GPR39: variants seen among roughly 807,000 people sequenced by gnomAD.
GPR39 encodes G protein-coupled receptor 39.
In GPR39, 23 loss-of-function variants were observed where a neutral mutation model predicts 18.4. The observed-to-expected ratio is 1.25, with a 90% CI of 0.90 to 1.77. GPR39 has a LOEUF of 1.77. GPR39 is among the 40% of genes most tolerant of loss of function. The pLI, the probability that GPR39 is intolerant of heterozygous loss-of-function variation, is 0.00. For synonymous variants in GPR39, 280 were observed against 257.9 expected, an observed-to-expected ratio of 1.09 and a Z score of -0.82; for missense variants, 647 against 602.4, an observed-to-expected ratio of 1.07 and a Z score of -0.78.
chr2:132,449,938 C>T (rs1680604331), intron 1 of GPR39, among the ~76,000 whole-genome samples: 1 of 152,112 alleles, frequency 6.6e-6, no homozygotes, highest in Admixed American at 6.5e-5. Context: ...TCCTACAGGC[C>T]CTTCAAAATC....
At chr2:132,512,379 G>C (rs576716397) in intron 1 of GPR39, among the ~76,000 whole-genome samples, 101 of 152,242 alleles carry the variant, frequency 6.6e-4, no homozygotes, top group African/African-American at 2.4e-3. Context: ...GCACTGAAAA[G>C]GATAAGGGGG....
chr2:132,446,795 A>G (rs1285275426), intron 1 of GPR39, among the ~76,000 whole-genome samples: 2 of 152,110 alleles, frequency 1.3e-5, no homozygotes, highest in African/African-American at 2.4e-5. Context: ...TGGGGCTGCA[A>G]TGAGGGTAGG....
At chr2:132,490,180 A>G (rs1681429669) in intron 1 of GPR39, among the ~76,000 whole-genome samples, 2 of 151,932 alleles carry the variant, frequency 1.3e-5, no homozygotes, top group African/African-American at 2.4e-5. Context: ...GGAGAGAGAG[A>G]AATAGAAGTT....
intron 1 of GPR39, among the ~76,000 whole-genome samples, chr2:132,564,773 C>T (rs1680316086): frequency 6.8e-6 from 1 of 146,406 alleles, no homozygotes; most frequent in Non-Finnish European, 1.5e-5. Context: ...ACATTGGAAT[C>T]ACCTAGGAAG....
chr2:132,539,128 C>T (rs1045487925), intron 1 of GPR39, among the ~76,000 whole-genome samples: 1 of 152,194 alleles, frequency 6.6e-6, no homozygotes, highest in African/African-American at 2.4e-5. Context: ...ACTTCTGCAG[C>T]TCAGTGCCTG....
At chr2:132,535,545 G>A (rs1679739879) in intron 1 of GPR39, among the ~76,000 whole-genome samples, 1 of 152,098 alleles carries the variant, frequency 6.6e-6, no homozygotes, top group Non-Finnish European at 1.5e-5. Flanking sequence ...ATCTCTGCCA[G>A]GTTTTGGTAT....
chr2:132,489,496 A>G (rs1452779646), intron 1 of GPR39, among the ~76,000 whole-genome samples: 4 of 151,958 alleles, frequency 2.6e-5, no homozygotes, highest in Non-Finnish European at 5.9e-5. Flanking sequence ...CTGTGTGACT[A>G]TATTCTTAAT....
In GPR39 at chr2:132,417,234, G is replaced by T. The variant is rs771385346; in HGVS notation, c.192G>T (p.Leu64Phe). 6.8e-6 allele frequency: 11 copies of T among 1,614,062 alleles called. No individual in the cohort carries two copies. In the Admixed American group the frequency reaches 1.8e-4, roughly 27 times the overall value. Residue 64 changes from leucine to phenylalanine, a missense_variant, in exon 1 of 2, where the codon TTG becomes TTT. Physicochemically the swap from Leu to Phe is conservative, Grantham distance 22. Around this residue, in one of 3 missense-constraint regions of GPR39, gnomAD observed 61 missense variants for 79.2 expected, o/e 0.77. Transcript: ENST00000329321. Reference sequence around the variant, plus strand: ...AGGTGCTGCAGAAGAAAGGATACTTGCAGAAGGAGGTGACAGACCACATGG... The same window carrying T: ...AGGTGCTGCAGAAGAAAGGATACTTTCAGAAGGAGGTGACAGACCACATGG... Reference protein sequence around the residue: ...VTQVLQKKGYLQKEVTDHMVS... With the variant: ...VTQVLQKKGYFQKEVTDHMVS...
chr2:132,596,484 C>T (rs60254551), intron 1 of GPR39, among the ~76,000 whole-genome samples: 3,419 of 152,158 alleles, frequency 0.022, 129 homozygotes, highest in African/African-American at 0.077. Flanking sequence ...TCCCTGCCTT[C>T]GTCCCTTCCC....
chr2:132,611,290 C>T (rs565795286), intron 1 of GPR39, among the ~76,000 whole-genome samples: 3 of 152,126 alleles, frequency 2.0e-5, no homozygotes, highest in Non-Finnish European at 2.9e-5. Context: ...ATTTATTAGG[C>T]GTCTTTTACT....
chr2:132,484,222 G>A (rs1681289890), intron 1 of GPR39, among the ~76,000 whole-genome samples: 2 of 152,314 alleles, frequency 1.3e-5, no homozygotes, highest in East Asian at 1.9e-4. Context: ...CATGCCTATG[G>A]CCATTGCAAG....
chr2:132,621,034 G>T (rs1681431763), intron 1 of GPR39, among the ~76,000 whole-genome samples: 1 of 152,156 alleles, frequency 6.6e-6, no homozygotes, highest in East Asian at 1.9e-4. Flanking sequence ...TTACAGGAGT[G>T]AGCCACTGCG....
At chr2:132,558,332 G>C (rs114793764) in intron 1 of GPR39, among the ~76,000 whole-genome samples, 9,204 of 152,050 alleles carry the variant, frequency 0.061, 396 homozygotes, top group Non-Finnish European at 0.096. Flanking sequence ...GAGCCTCATG[G>C]GGGAGGCTCT....
intron 1 of GPR39, among the ~76,000 whole-genome samples, chr2:132,492,729 A>T (rs1681512136): frequency 1.0e-5 from 1 of 96,376 alleles, no homozygotes; most frequent in Admixed American, 1.1e-4. Flanking sequence ...TATATATACC[A>T]TATATATATA....
At chr2:132,423,111 C>T (rs1189592119) in intron 1 of GPR39, among the ~76,000 whole-genome samples, 3 of 151,978 alleles carry the variant, frequency 2.0e-5, no homozygotes, top group Admixed American at 6.6e-5. Context: ...CGACTCCTAT[C>T]CCTTTTCCCT....
chr2:132,623,462 A>G (rs1681482486), intron 1 of GPR39, among the ~76,000 whole-genome samples: 1 of 152,214 alleles, frequency 6.6e-6, no homozygotes, highest in Admixed American at 6.5e-5. Context: ...AGACTGGGAC[A>G]GTCTGGTGCC....
chr2:132,542,695 C>T (rs1244724217), intron 1 of GPR39, among the ~76,000 whole-genome samples: 1 of 106,296 alleles, frequency 9.4e-6, no homozygotes, highest in Non-Finnish European at 1.9e-5. Flanking sequence ...CCATTGTTCT[C>T]TATAATAACA....
At chr2:132,619,975 C>T (rs141757715) in intron 1 of GPR39, among the ~76,000 whole-genome samples, 6 of 152,218 alleles carry the variant, frequency 3.9e-5, no homozygotes, top group East Asian at 1.9e-4. Flanking sequence ...CCTTCACCTG[C>T]GCAAATCTCT....
intron 1 of GPR39, among the ~76,000 whole-genome samples, chr2:132,538,110 C>T (rs893564821): frequency 4.4e-4 from 67 of 152,164 alleles, no homozygotes; most frequent in African/African-American, 1.5e-3. Flanking sequence ...TGCAGTCATT[C>T]GGAGGAGAAG....
Sources: gnomAD v4.1 joint callset for allele counts (sites outside exome capture counted in the v4.1 genomes callset) on GRCh38, gnomAD v4.1.1 for gene constraint, gnomAD v4.1.1 regional missense constraint, MANE v1.5 for transcripts, NCBI Gene and HGNC (gene_info 2026-07-23, HGNC 2026-07-21) for gene names.